The following NEDD4 variants were observed in gnomAD, a reference collection of about 807,000 sequenced individuals.
NEDD4 encodes the protein NEDD4 E3 ubiquitin protein ligase.
In NEDD4, 99 loss-of-function variants were observed where a neutral mutation model predicts 144.9. The ratio of observed to expected loss-of-function variants is 0.68; its 90% CI spans 0.58 to 0.81. The LOEUF is 0.81. Ranked by LOEUF, NEDD4 falls within the 30% of genes least tolerant of loss-of-function variation. The pLI is 0.00. For missense variants in NEDD4, 985 were observed against 1,065.9 expected (o/e 0.92, Z 1.06); for synonymous variants, 318 against 350.6 (o/e 0.91, Z 1.04).
At chr15:55,966,224 CA>C (rs1279852434) in intron 2 of NEDD4, among the ~76,000 whole-genome samples, 2 of 152,152 alleles carry the variant, frequency 1.3e-5, no homozygotes, top group African/African-American at 4.8e-5. Flanking sequence ...TAGAATTTTG[CA>C]AATTTCCAGA....
chr15:55,844,799 G>A (rs577326468), intron 18 of NEDD4, among the ~76,000 whole-genome samples: 3 of 143,902 alleles, frequency 2.1e-5, no homozygotes, highest in South Asian at 2.3e-4. Flanking sequence ...TTCAAGCACC[G>A]GTTTTCAATT....
chr15:55,836,838 TTA>T (rs1382852476), intron 24 of NEDD4, among the ~76,000 whole-genome samples: 4 of 151,780 alleles, frequency 2.6e-5, no homozygotes, highest in Admixed American at 1.3e-4. Context: ...TTTTAATTTT[TTA>T]TAGAGATAAG....
At chr15:55,993,323 C>T (rs555209156) in intron 1 of NEDD4, among the ~76,000 whole-genome samples, 188 bp downstream of exon 1, 1 of 152,092 alleles carries the variant, frequency 6.6e-6, no homozygotes, top group East Asian at 1.9e-4. Context: ...CTCCAGCGAG[C>T]CCCCAGCGCC....
At position 55,833,046 on chromosome 15, in the gene NEDD4, G is replaced by T. The variant is rs1195237828; in HGVS notation, c.2489C>A (p.Thr830Lys). The change falls in exon 27 of 29, where the codon ACA (threonine) becomes AAA (lysine). Residue 830 changes from threonine to lysine, a missense_variant. Coordinates refer to ENST00000435532, the MANE Select transcript of NEDD4 (RefSeq NM_006154.4). ...AAATCCATTCATAGGCACCCGAGATGTGCCAGTGACAAACTGAAGTAATCT... is the reference window on the plus strand; with the variant it reads ...AAATCCATTCATAGGCACCCGAGATTTGCCAGTGACAAACTGAAGTAATCT... ...RIRLLQFVTG[T>K]SRVPMNGFAE... is the part of the protein sequence containing the mutation. The T allele has an allele frequency of 6.2e-7, 1 of 1,613,484 alleles. No individual in the cohort carries two copies. The highest frequency in any genetic ancestry group is 1.7e-5 in the Admixed American group (1 of 59,986).
Position 55,993,607 on chromosome 15 carries a change from A to T in NEDD4, c.-52T>A, listed in dbSNP as rs965458671. On this transcript the variant is annotated 5_prime_UTR_variant, in exon 1 of 29. Coordinates refer to ENST00000435532, the MANE Select transcript of NEDD4 (RefSeq NM_006154.4). ...GCGCTCGCCCCCGCCCAGGGCAGGC[A>T]ACTGTGGAGGAGGAGGAGGAGAAGC... 1.3e-6 allele frequency: 2 copies of T among 1,578,690 alleles called. No individual in the cohort carries two copies. The highest frequency in any genetic ancestry group is 1.7e-6 in the Non-Finnish European group (2 of 1,166,054).
intron 4 of NEDD4, among the ~76,000 whole-genome samples, chr15:55,938,541 G>A (rs1260038643): frequency 3.9e-5 from 6 of 152,034 alleles, no homozygotes; most frequent in African/African-American, 1.4e-4. Context: ...CTTGACTTTG[G>A]TCTTGACAAT....
At chr15:55,953,728 C>T (rs532913228) in intron 2 of NEDD4, among the ~76,000 whole-genome samples, 71 of 151,308 alleles carry the variant, frequency 4.7e-4, no homozygotes, top group African/African-American at 1.6e-3. Flanking sequence ...AGGCATGAGC[C>T]AACATGCCCG....
rs561531528 is a variant in NEDD4 at position 55,951,369 on chromosome 15, T to C, written c.237+7A>G. 4.4e-6 allele frequency: 4 copies of C among 912,540 alleles called. No individual in the cohort carries two copies. The highest frequency in any genetic ancestry group is 5.8e-5 in the East Asian group (2 of 34,636). 56.5% of individuals were successfully genotyped at this position (912,540 alleles called of 1,614,324 possible). A position where few individuals can be genotyped will look rare whatever the true frequency, so the allele number is the denominator to read the frequency against. On this transcript the variant is annotated splice_region_variant and intron_variant, in intron 4 of 28. Coordinates refer to ENST00000435532, the MANE Select transcript of NEDD4 (RefSeq NM_006154.4). ...TTCCACTTTAGTAAAATAAAATATA[T>C]ACTTACTCTGAATAATATTTCTTCA... is the stretch of plus-strand genomic sequence containing the variant.
At chr15:55,907,069 T>G (rs1425920769) in intron 5 of NEDD4, among the ~76,000 whole-genome samples, 1 of 151,714 alleles carries the variant, frequency 6.6e-6, no homozygotes, top group Non-Finnish European at 1.5e-5. Flanking sequence ...CACTCCAGCC[T>G]GGGCGACAGA....
At chr15:55,836,480 C>T (rs2033201457) in intron 24 of NEDD4, among the ~76,000 whole-genome samples, 1 of 152,154 alleles carries the variant, frequency 6.6e-6, no homozygotes, top group Non-Finnish European at 1.5e-5. Context: ...GATCCTCCAG[C>T]CTCAGCCTCC....
At chr15:55,899,017 G>C (rs1333657393) in intron 5 of NEDD4, among the ~76,000 whole-genome samples, 1 of 152,140 alleles carries the variant, frequency 6.6e-6, no homozygotes, top group Non-Finnish European at 1.5e-5. Flanking sequence ...ACAAATGGTA[G>C]TAAGCACAAA....
intron 4 of NEDD4, among the ~76,000 whole-genome samples, chr15:55,940,701 C>A (rs953038085): frequency 1.3e-5 from 2 of 151,712 alleles, no homozygotes; most frequent in Non-Finnish European, 2.9e-5. Context: ...TGAAGAGGGT[C>A]GTTTTTTTTT....
chr15:55,964,089 T>C (rs1266494196), intron 2 of NEDD4, among the ~76,000 whole-genome samples: 1 of 152,210 alleles, frequency 6.6e-6, no homozygotes, highest in Non-Finnish European at 1.5e-5. Context: ...TTCATTGTGT[T>C]CTTAATGTTT....
At chr15:55,884,430 G>T (rs2035314167) in intron 5 of NEDD4, among the ~76,000 whole-genome samples, 1 of 152,074 alleles carries the variant, frequency 6.6e-6, no homozygotes, top group Admixed American at 6.6e-5. Flanking sequence ...AGGAAAATAT[G>T]ACCTCACAGA....
intron 28 of NEDD4, among the ~76,000 whole-genome samples, chr15:55,830,275 GCC>G (rs2032886253): frequency 1.3e-5 from 2 of 152,196 alleles, no homozygotes; most frequent in South Asian, 4.2e-4. Flanking sequence ...TCTTGGGACA[GCC>G]CATCACTCAT....
chr15:55,889,830 A>G (rs1487305080), intron 5 of NEDD4, among the ~76,000 whole-genome samples: 2 of 152,076 alleles, frequency 1.3e-5, no homozygotes, highest in Non-Finnish European at 2.9e-5. Context: ...CCTCTTGAGT[A>G]GCTAGAATTA....
intron 5 of NEDD4, among the ~76,000 whole-genome samples, chr15:55,910,372 G>C (rs1343810909): frequency 6.6e-6 from 1 of 151,832 alleles, no homozygotes; most frequent in Non-Finnish European, 1.5e-5. Context: ...TGTTCTCTGT[G>C]GTACTGTCTG....
intron 4 of NEDD4, among the ~76,000 whole-genome samples, chr15:55,933,952 G>A (rs781057759): frequency 8.5e-5 from 13 of 152,076 alleles, no homozygotes; most frequent in Non-Finnish European, 1.9e-4. Flanking sequence ...TCAGGAGTTC[G>A]AGACCATTCT....
At chr15:55,943,587 C>A (rs939413767) in intron 4 of NEDD4, among the ~76,000 whole-genome samples, 1 of 152,194 alleles carries the variant, frequency 6.6e-6, no homozygotes, top group Non-Finnish European at 1.5e-5. Flanking sequence ...AGGGCAAGAG[C>A]TGAGGCTTAG....
Sources: allele counts gnomAD v4.1 joint callset (sites outside exome capture counted in the v4.1 genomes callset), GRCh38; gene constraint gnomAD v4.1.1; transcripts MANE v1.5; gene names NCBI Gene and HGNC (gene_info 2026-07-23, HGNC 2026-07-21).